The following SNX30 variants were observed in gnomAD, a reference collection of about 807,000 sequenced individuals.
SNX30 encodes sorting nexin-30.
Under a neutral mutation model 46.4 loss-of-function variants are expected in SNX30, and 24 were observed. That is an observed-to-expected ratio of 0.52 (90% confidence interval 0.37 to 0.73). SNX30 has a LOEUF of 0.73. SNX30 is among the 30% of genes least tolerant of loss of function. The pLI is 0.00. For synonymous variants in SNX30, 189 were observed against 211.5 expected (o/e 0.89, Z 0.92); for missense variants, 533 against 555.7 (o/e 0.96, Z 0.41).
chr9:112,868,056 T>C (rs1248097698), intron 8 of SNX30, among the ~76,000 whole-genome samples: 1 of 152,108 alleles, frequency 6.6e-6, no homozygotes, highest in Non-Finnish European at 1.5e-5. Flanking sequence ...GTGGGAACCA[T>C]GAGCTCTACC....
intron 7 of SNX30, among the ~76,000 whole-genome samples, chr9:112,863,488 G>T (rs1313161853): frequency 6.6e-6 from 1 of 152,234 alleles, no homozygotes; most frequent in Non-Finnish European, 1.5e-5. Flanking sequence ...AGTGAAAGTT[G>T]TGAAACTTCA....
intron 1 of SNX30, among the ~76,000 whole-genome samples, chr9:112,754,882 C>T (rs1016171687): frequency 1.3e-5 from 2 of 152,322 alleles, no homozygotes; most frequent in African/African-American, 4.8e-5. Context: ...CACCTCCTCC[C>T]ACATCCTCAA....
At chr9:112,848,702 C>T (rs570496178) in intron 6 of SNX30, among the ~76,000 whole-genome samples, 36 of 152,348 alleles carry the variant, frequency 2.4e-4, no homozygotes, top group African/African-American at 7.7e-4. Context: ...ATTCTGGCCA[C>T]GCTGGATAAC....
At chr9:112,817,904 TAC>T (rs1840426303) in intron 3 of SNX30, 89 bp downstream of exon 3, 1 of 820,296 alleles carries the variant, frequency 1.2e-6, no homozygotes, top group South Asian at 1.4e-5. Flanking sequence ...CCTTAAGTTA[TAC>T]AGACTCACCC....
Position 112,822,531 on chromosome 9 carries a change from G to GTTTTTT in SNX30, c.459+4720_459+4721insTTTTTT, listed in dbSNP as rs1340146319. On this transcript the variant is annotated intron_variant, in intron 3 of 8. Coordinates refer to ENST00000374232, the MANE Select transcript of SNX30 (RefSeq NM_001012994.2). ...ACAAGTTTTCTTTTGTCCCTTTGCT[G>GTTTTTT]TTTTGTTTTGTTTTTTTTTTTTGTA... Among the ~76,000 whole-genome samples the GTTTTTT allele has an allele frequency of 7.6e-4, 26 of 34,406 alleles. 1 individual carries two copies. The highest frequency in any genetic ancestry group is 2.0e-3 in the South Asian group (2 of 1,018). 22.6% of individuals were successfully genotyped at this position (34,406 alleles called of 152,430 possible).
chr9:112,818,423 T>G (rs1221601042), intron 3 of SNX30, among the ~76,000 whole-genome samples: 1 of 152,102 alleles, frequency 6.6e-6, no homozygotes, highest in Non-Finnish European at 1.5e-5. Context: ...AGAGATGGGG[T>G]TTTGCCATAT....
chr9:112,759,867 C>T (rs1001954397), intron 1 of SNX30, among the ~76,000 whole-genome samples: 2 of 152,052 alleles, frequency 1.3e-5, no homozygotes, highest in Non-Finnish European at 2.9e-5. Context: ...AAGGGGATAA[C>T]AGATGTGCCC....
At chr9:112,775,558 G>GTGTGTGTGTT (rs1484909161) in intron 1 of SNX30, among the ~76,000 whole-genome samples, 2 of 149,918 alleles carry the variant, frequency 1.3e-5, no homozygotes, top group African/African-American at 4.9e-5. Flanking sequence ...GTGTGTGTGT[G>GTGTGTGTGTT]TGTGTGTGTG....
At chr9:112,840,902 C>T (rs1770337442) in intron 6 of SNX30, among the ~76,000 whole-genome samples, 1 of 152,132 alleles carries the variant, frequency 6.6e-6, no homozygotes, top group Non-Finnish European at 1.5e-5. Context: ...GCCTCAGCCT[C>T]CTGAGCAGCT....
chr9:112,793,332 A>G (rs1285797972), intron 1 of SNX30, among the ~76,000 whole-genome samples: 2 of 152,208 alleles, frequency 1.3e-5, no homozygotes, highest in Non-Finnish European at 2.9e-5. Flanking sequence ...CAGCCAACCC[A>G]GATGCCTTCA....
Position 112,836,287 on chromosome 9 carries a change from G to T in SNX30, c.692G>T (p.Gly231Val), listed in dbSNP as rs1840749421. The T allele has an allele frequency of 1.2e-6, 2 of 1,613,252 alleles. No homozygotes were observed. The highest frequency in any genetic ancestry group is 2.7e-5 in the African/African-American group (2 of 75,044). ...GGCGAGTCAGTCAAGCACGTCACTGGCGGCTACAAGCTGAGGACTCGGCCG... is the reference window on the plus strand; with the variant it reads ...GGCGAGTCAGTCAAGCACGTCACTGTCGGCTACAAGCTGAGGACTCGGCCG... The part of the protein sequence containing the change: ...RMGESVKHVT[G>V]GYKLRTRPLE... The change falls in exon 5 of 9, where the codon GGC (glycine) becomes GTC (valine). Residue 231 changes from glycine (G) to valine (V), a missense_variant. Physicochemically the swap from Gly to Val is moderately radical, Grantham distance 109 (BLOSUM62 -3). Transcript: ENST00000374232.
intron 5 of SNX30, among the ~76,000 whole-genome samples, chr9:112,836,643 A>G (rs1460399724): frequency 3.9e-5 from 6 of 152,208 alleles, no homozygotes. Context: ...CATGGCCAGC[A>G]CTGCTGATTC....
At position 112,778,000 on chromosome 9, in the gene SNX30, C is replaced by G. The variant is rs1839777532; in HGVS notation, c.157-26776C>G. 2.0e-5 allele frequency among the ~76,000 whole-genome samples: 3 copies of G among 152,030 alleles called. No individual in the cohort carries two copies. In the South Asian group the frequency reaches 6.2e-4, roughly 31 times the overall value. On this transcript the variant is annotated intron_variant, in intron 1 of 8. Coordinates refer to ENST00000374232, the MANE Select transcript of SNX30 (RefSeq NM_001012994.2). Reference sequence around the variant, plus strand: ...AGTATGTGTTTTTTGCTCTAGGTGTCTCTTGTATTTGGAGTCAGAAGTTGG... The same window carrying G: ...AGTATGTGTTTTTTGCTCTAGGTGTGTCTTGTATTTGGAGTCAGAAGTTGG...
chr9:112,836,560 G>C, intron 5 of SNX30, 151 bp downstream of exon 5: 118 of 774,504 alleles, frequency 1.5e-4, no homozygotes, highest in Non-Finnish European at 2.1e-4. Context: ...GAGGGGAGGA[G>C]TTACTTGTGA....
intron 1 of SNX30, among the ~76,000 whole-genome samples, chr9:112,787,171 C>G (rs1209907201): frequency 6.6e-6 from 1 of 152,096 alleles, no homozygotes; most frequent in African/African-American, 2.4e-5. Context: ...TCTCAGGCCT[C>G]GAAAAGTTCC....
At chr9:112,765,853 G>A (rs1839528269) in intron 1 of SNX30, among the ~76,000 whole-genome samples, 1 of 152,020 alleles carries the variant, frequency 6.6e-6, no homozygotes, top group East Asian at 1.9e-4. Flanking sequence ...GCCCAGGCTG[G>A]AGTGCAGTGG....
At chr9:112,784,837 T>C (rs1839896503) in intron 1 of SNX30, among the ~76,000 whole-genome samples, 1 of 152,228 alleles carries the variant, frequency 6.6e-6, no homozygotes, top group Non-Finnish European at 1.5e-5. Context: ...AGAATTATTC[T>C]GGCTTTCTTC....
chr9:112,763,389 G>GGT (rs1490588249), intron 1 of SNX30, among the ~76,000 whole-genome samples: 54 of 17,366 alleles, frequency 3.1e-3, no homozygotes, highest in Non-Finnish European at 5.1e-3. Context: ...TTTTTTTTTT[G>GGT]GTGTGTGTGT....
chr9:112,818,558 C>A (rs959164849), intron 3 of SNX30, among the ~76,000 whole-genome samples: 1 of 152,148 alleles, frequency 6.6e-6, no homozygotes, highest in Admixed American at 6.5e-5. Context: ...ACTTTTCTGA[C>A]TACTTTTGTT....
Sources: allele counts gnomAD v4.1 joint callset (sites outside exome capture counted in the v4.1 genomes callset), GRCh38; gene constraint gnomAD v4.1.1; transcripts MANE v1.5; gene names NCBI Gene and HGNC (gene_info 2026-07-23, HGNC 2026-07-21).